Variants in SLC44A5 observed in about 807,000 individuals in gnomAD.
SLC44A5 encodes the protein choline transporter-like protein 5.
A neutral mutation model predicts 101.8 loss-of-function variants in SLC44A5; 57 were observed. The ratio of observed to expected loss-of-function variants is 0.56; its 90% CI spans 0.45 to 0.70. The LOEUF is 0.70. Ranked by LOEUF, SLC44A5 falls within the 30% of genes least tolerant of loss-of-function variation. The pLI, the probability that SLC44A5 is intolerant of heterozygous loss-of-function variation, is 0.00. For synonymous variants in SLC44A5, 281 were observed against 290.9 expected, an observed-to-expected ratio of 0.97 and a Z score of 0.35; for missense variants, 737 against 853.1, an observed-to-expected ratio of 0.86 and a Z score of 1.70.
chr1:75,469,893 T>C (rs1667010951), intron 2 of SLC44A5, among the ~76,000 whole-genome samples: 1 of 120,204 alleles, frequency 8.3e-6, no homozygotes, highest in South Asian at 2.7e-4. Context: ...GAGAGAGACC[T>C]TGTGAAGAAA....
At chr1:75,581,917 T>C (rs553797437) in intron 1 of SLC44A5, among the ~76,000 whole-genome samples, 5 of 152,354 alleles carry the variant, frequency 3.3e-5, no homozygotes, top group Middle Eastern at 3.4e-3. Flanking sequence ...AAACAGAGGC[T>C]GATGCCATGC....
the SLC44A5 span, among the ~76,000 whole-genome samples, chr1:75,711,010 G>T: frequency 6.6e-6 from 1 of 151,954 alleles, no homozygotes; most frequent in Non-Finnish European, 1.5e-5. Flanking sequence ...TATAACTTTA[G>T]CTTGCACATG....
At chr1:75,345,285 A>T (rs1658166893) in intron 3 of SLC44A5, among the ~76,000 whole-genome samples, 1 of 152,154 alleles carries the variant, frequency 6.6e-6, no homozygotes, top group African/African-American at 2.4e-5. Flanking sequence ...CATATTGGTG[A>T]ATAAAAACTG....
Position 75,242,880 on chromosome 1 carries a change from A to T in SLC44A5, c.471+6T>A. ...GTTCTCTTGCTTTAAGCTTAAACAC[A>T]CATACCTTCACAGGCTTAGCAGTGG... is the stretch of plus-strand genomic sequence containing the variant. On this transcript the variant is annotated splice_donor_region_variant and intron_variant, in intron 8 of 23. Coordinates refer to ENST00000370859, the MANE Select transcript of SLC44A5 (RefSeq NM_001130058.2). 6.3e-7 allele frequency: 1 copy of T among 1,585,670 alleles called. No homozygotes were observed.
At chr1:75,390,950 G>T (rs898229311) in intron 3 of SLC44A5, among the ~76,000 whole-genome samples, 2 of 152,028 alleles carry the variant, frequency 1.3e-5, no homozygotes, top group Non-Finnish European at 2.9e-5. Context: ...AAACTCTAAA[G>T]ACTCTCTTGA....
At chr1:75,319,108 C>T (rs1655942727) in intron 4 of SLC44A5, among the ~76,000 whole-genome samples, 1 of 152,204 alleles carries the variant, frequency 6.6e-6, no homozygotes, top group South Asian at 2.1e-4. Flanking sequence ...AGATGACAAG[C>T]TGGTAAACAG....
chr1:75,606,933 G>A (rs1326566180), intron 1 of SLC44A5, among the ~76,000 whole-genome samples: 1 of 151,738 alleles, frequency 6.6e-6, no homozygotes, highest in East Asian at 1.9e-4. Context: ...TAATGGAGCA[G>A]CCCTGGGCTC....
intron 1 of SLC44A5, among the ~76,000 whole-genome samples, chr1:75,545,641 A>G (rs1294818853): frequency 2.6e-5 from 4 of 152,134 alleles, no homozygotes; most frequent in African/African-American, 9.7e-5. Context: ...TTCATTCTGT[A>G]ATTAATAAGT....
intron 2 of SLC44A5, among the ~76,000 whole-genome samples, chr1:75,492,660 C>CA (rs1481651953): frequency 6.6e-6 from 1 of 151,944 alleles, no homozygotes; most frequent in Non-Finnish European, 1.5e-5. Context: ...AAGGAAGTGC[C>CA]ATAAAGGCAA....
chr1:75,445,280 T>C (rs1032867568), intron 2 of SLC44A5, among the ~76,000 whole-genome samples: 4 of 152,032 alleles, frequency 2.6e-5, no homozygotes, highest in African/African-American at 9.7e-5. Flanking sequence ...TCTCTTGCCA[T>C]GTGACACGCC....
intron 1 of SLC44A5, among the ~76,000 whole-genome samples, chr1:75,581,240 T>C (rs1673681468): frequency 6.6e-6 from 1 of 151,852 alleles, no homozygotes; most frequent in Non-Finnish European, 1.5e-5. Context: ...AAACTGGAGG[T>C]GGACCTAGAA....
At chr1:75,500,661 G>A (rs1221636912) in intron 2 of SLC44A5, among the ~76,000 whole-genome samples, 3 of 152,178 alleles carry the variant, frequency 2.0e-5, no homozygotes, top group Non-Finnish European at 4.4e-5. Flanking sequence ...TATTTTGACT[G>A]ATACAAACAC....
intron 1 of SLC44A5, among the ~76,000 whole-genome samples, chr1:75,578,680 A>C (rs1421751823): frequency 7.2e-5 from 11 of 152,140 alleles, no homozygotes; most frequent in Non-Finnish European, 1.5e-5. Context: ...GCAAAGTTTC[A>C]GTTAGACAGG....
intron 18 of SLC44A5, among the ~76,000 whole-genome samples, chr1:75,217,134 G>A (rs1646977876): frequency 6.6e-6 from 1 of 151,924 alleles, no homozygotes; most frequent in Non-Finnish European, 1.5e-5. Flanking sequence ...GTATGTTAAT[G>A]TAAGATAAGG....
At chr1:75,544,747 T>G (rs1433073642) in intron 1 of SLC44A5, among the ~76,000 whole-genome samples, 1 of 152,204 alleles carries the variant, frequency 6.6e-6, no homozygotes, top group East Asian at 1.9e-4. Context: ...TACAGAATTT[T>G]TTTCTCTGAT....
chr1:75,505,160 G>A (rs555284119), intron 2 of SLC44A5, among the ~76,000 whole-genome samples: 4 of 152,106 alleles, frequency 2.6e-5, no homozygotes, highest in Non-Finnish European at 5.9e-5. Context: ...TTGCTGCAAA[G>A]GACATGATTT....
At chr1:75,606,245 C>T (rs1440457824) in intron 1 of SLC44A5, among the ~76,000 whole-genome samples, 2 of 151,802 alleles carry the variant, frequency 1.3e-5, no homozygotes, top group South Asian at 4.1e-4. Flanking sequence ...TCAGAAAATC[C>T]ATTTCTATAC....
At chr1:75,357,202 T>A (rs755032401) in intron 3 of SLC44A5, 6 of 455,816 alleles carry the variant, frequency 1.3e-5, no homozygotes, top group Non-Finnish European at 2.6e-5. Context: ...TTTCTTGGCC[T>A]TAGTTGCTGG....
intron 5 of SLC44A5, among the ~76,000 whole-genome samples, chr1:75,287,314 T>C (rs1144299): frequency 0.34 from 52,013 of 151,692 alleles, 10,647 homozygotes; most frequent in East Asian, 0.87. Context: ...TGCTGTCTAT[T>C]TCTCTGGAGA....
Sources: gnomAD v4.1 joint callset for allele counts (sites outside exome capture counted in the v4.1 genomes callset) on GRCh38, gnomAD v4.1.1 for gene constraint, MANE v1.5 for transcripts, NCBI Gene and HGNC (gene_info 2026-07-23, HGNC 2026-07-21) for gene names.